BIVM: variants seen among roughly 807,000 people sequenced by gnomAD.
The protein encoded by BIVM is basic immunoglobulin-like variable motif-containing protein.
In BIVM, 31 loss-of-function variants were observed where a neutral mutation model predicts 61.4. The ratio of observed to expected loss-of-function variants is 0.51; its 90% CI spans 0.38 to 0.68. The LOEUF is 0.68. BIVM is among the 30% of genes least tolerant of loss of function. The probability of loss-of-function intolerance (pLI) is 0.00; values close to 1 mark genes in which losing one functional copy is unlikely to be tolerated. For synonymous variants in BIVM, 189 were observed against 210.7 expected (o/e 0.90, Z 0.89); for missense variants, 526 against 596.0 (o/e 0.88, Z 1.22).
At position 102,821,836 on chromosome 13, in the gene BIVM, A is replaced by G. The variant is rs1566450728; in HGVS notation, c.795A>G (p.Thr265=). 1 of 1,613,458 alleles carries G rather than the reference A, an allele frequency of 6.2e-7. No individual in the cohort carries two copies. The highest frequency in any genetic ancestry group is 1.3e-5 in the African/African-American group (1 of 74,896). The change falls in exon 6 of 11, where the codon ACA becomes ACG. Residue 265 remains threonine (T), a synonymous_variant. Coordinates refer to ENST00000257336, the MANE Select transcript of BIVM (RefSeq NM_017693.4). The stretch of plus-strand genomic sequence containing the variant: ...GGTTTGGTCCTTTCACGGGGAATAC[A>G]ACACTTATGAGGTATGAAGACCCTC... The part of the protein sequence containing the change: ...DIRFGPFTGN[T]TLMRWFRQIN...
At chr13:102,806,979 A>G (rs1879153391) in intron 2 of BIVM, among the ~76,000 whole-genome samples, 167 bp from the exon 3 acceptor site, 1 of 152,176 alleles carries the variant, frequency 6.6e-6, no homozygotes. Context: ...TTTAATGCAT[A>G]TTTTAGACTA....
At chr13:102,812,794 T>C (rs1272054714) in intron 3 of BIVM, among the ~76,000 whole-genome samples, 1 of 152,194 alleles carries the variant, frequency 6.6e-6, no homozygotes, top group Non-Finnish European at 1.5e-5. Context: ...GCTTCTGTTG[T>C]AGTGGGAGGG....
At chr13:102,804,366 A>C (rs1369168735) in intron 1 of BIVM, among the ~76,000 whole-genome samples, 1 of 152,112 alleles carries the variant, frequency 6.6e-6, no homozygotes. Flanking sequence ...GCTGGAGTGC[A>C]ATGGCAGGAT....
chr13:102,813,304 G>A (rs1030025459), intron 3 of BIVM, among the ~76,000 whole-genome samples: 9 of 151,978 alleles, frequency 5.9e-5, no homozygotes, highest in Admixed American at 1.3e-4. Context: ...AATATATTTC[G>A]TTATTCCTGG....
At chr13:102,810,469 G>T (rs1595336738) in intron 3 of BIVM, among the ~76,000 whole-genome samples, 1 of 152,220 alleles carries the variant, frequency 6.6e-6, no homozygotes, top group African/African-American at 2.4e-5. Flanking sequence ...TTTGAGTGGA[G>T]AATTTAATCC....
intron 9 of BIVM, among the ~76,000 whole-genome samples, chr13:102,837,639 A>G (rs764014895): frequency 6.6e-6 from 1 of 152,244 alleles, no homozygotes; most frequent in African/African-American, 2.4e-5. Flanking sequence ...GCAAAGATGG[A>G]GAATCAACCT....
At chr13:102,812,787 T>C (rs1481910721) in intron 3 of BIVM, among the ~76,000 whole-genome samples, 1 of 152,136 alleles carries the variant, frequency 6.6e-6, no homozygotes, top group Admixed American at 6.5e-5. Flanking sequence ...GGAAGTTGCT[T>C]CTGTTGTAGT....
chr13:102,808,994 T>TTTAGCG (rs149919502), intron 3 of BIVM, among the ~76,000 whole-genome samples: 7,841 of 152,184 alleles, frequency 0.052, 222 homozygotes, highest in East Asian at 0.099. Context: ...ATAACTAGCT[T>TTTAGCG]TTGTTAATTT....
chr13:102,837,421 A>AT (rs1182979247), intron 9 of BIVM, among the ~76,000 whole-genome samples: 3 of 152,138 alleles, frequency 2.0e-5, no homozygotes, highest in Non-Finnish European at 4.4e-5. Context: ...TTTATTAAAC[A>AT]TTTTTTCTCT....
chr13:102,829,387 A>C (rs1474763414), intron 7 of BIVM, among the ~76,000 whole-genome samples: 1 of 152,016 alleles, frequency 6.6e-6, no homozygotes, highest in South Asian at 2.1e-4. Flanking sequence ...ATGGCTCTGC[A>C]TTTGGTGGTG....
intron 3 of BIVM, among the ~76,000 whole-genome samples, chr13:102,814,140 C>T (rs1202672419): frequency 6.6e-6 from 1 of 151,790 alleles, no homozygotes; most frequent in Non-Finnish European, 1.5e-5. Flanking sequence ...TGTGTGTGTG[C>T]TGTGGGTAGG....
intron 1 of BIVM, chr13:102,801,465 C>A (rs916535288): frequency 2.0e-5 from 3 of 151,930 alleles, no homozygotes; most frequent in Non-Finnish European, 2.9e-5. Context: ...GTTGGCCAGG[C>A]TGGCCTCAAA....
intron 8 of BIVM, among the ~76,000 whole-genome samples, chr13:102,831,920 C>T (rs1303733626): frequency 6.7e-6 from 1 of 149,598 alleles, no homozygotes; most frequent in African/African-American, 2.5e-5. Context: ...TGGCAGGCGC[C>T]TGTAGTCCCA....
At chr13:102,829,106 C>A (rs2140489429) in intron 7 of BIVM, among the ~76,000 whole-genome samples, 1 of 151,930 alleles carries the variant, frequency 6.6e-6, no homozygotes, top group East Asian at 1.9e-4. Flanking sequence ...GTTTCAGAAG[C>A]TATTCTTGTC....
intron 8 of BIVM, among the ~76,000 whole-genome samples, chr13:102,832,865 A>G (rs1881187981): frequency 6.6e-6 from 1 of 152,216 alleles, no homozygotes; most frequent in African/African-American, 2.4e-5. Flanking sequence ...TCCCTAAGAA[A>G]GAGAAGGTGA....
intron 4 of BIVM, among the ~76,000 whole-genome samples, chr13:102,818,474 T>G (rs1270532645): frequency 6.6e-6 from 1 of 152,234 alleles, no homozygotes; most frequent in Non-Finnish European, 1.5e-5. Context: ...GAAGAGACAT[T>G]AAAGTCACAA....
At chr13:102,810,257 C>A (rs1879407904) in intron 3 of BIVM, among the ~76,000 whole-genome samples, 1 of 152,084 alleles carries the variant, frequency 6.6e-6, no homozygotes, top group South Asian at 2.1e-4. Flanking sequence ...TTATAGCCAC[C>A]CCTGCTCTCT....
In BIVM at chr13:102,807,384, T is replaced by A; in HGVS notation, c.117T>A (p.Ser39Arg). The A allele has an allele frequency of 6.2e-7, 1 of 1,614,192 alleles. No homozygotes were observed. The change falls in exon 3 of 11, where the codon AGT becomes AGA. Residue 39 changes from serine to arginine, a missense_variant. By Grantham distance (110) the Ser-to-Arg change is moderately radical (BLOSUM62 -1). This residue lies in a region of BIVM where 312 missense variants were observed against 343.8 expected (regional missense o/e 0.91). Transcript: ENST00000257336. This position sits in a 1 kb window ranked among gnomAD's most constrained non-coding sequence, Gnocchi z 4.0. ...LQGAVKSFCT[S>R]ASGAPLGPKG... is the part of the protein sequence containing the mutation. ...GTGCTGTAAAATCTTTCTGCACAAG[T>A]GCCTCAGGAGCACCCTTGGGTCCCA...
intron 2 of BIVM, among the ~76,000 whole-genome samples, chr13:102,805,798 T>G (rs1879038569): frequency 6.6e-6 from 1 of 152,198 alleles, no homozygotes; most frequent in Non-Finnish European, 1.5e-5. Context: ...CACTATAATG[T>G]TTTCGGGGTT....
Sources: gnomAD v4.1 joint callset for allele counts (sites outside exome capture counted in the v4.1 genomes callset) on GRCh38, gnomAD v4.1.1 for gene constraint, gnomAD v4.1.1 regional missense constraint, Gnocchi (gnomAD v3.1) non-coding constraint, MANE v1.5 for transcripts, NCBI Gene and HGNC (gene_info 2026-07-23, HGNC 2026-07-21) for gene names.